KIZ: variants seen among roughly 807,000 people sequenced by gnomAD.
KIZ encodes the protein centrosomal protein kizuna.
KIZ carries 68 observed loss-of-function variants against 79.6 expected under a neutral mutation model. The ratio of observed to expected loss-of-function variants is 0.85; its 90% CI spans 0.70 to 1.05. KIZ has a LOEUF of 1.05. Ranked by LOEUF, KIZ falls within the 50% of genes least tolerant of loss-of-function variation. The probability of loss-of-function intolerance (pLI) is 0.00; values close to 1 mark genes in which losing one functional copy is unlikely to be tolerated. For missense variants in KIZ, 797 were observed against 800.4 expected (o/e 1.00, Z 0.05); for synonymous variants, 280 against 281.8 (o/e 0.99, Z 0.06).
At chr20:21,188,676 T>TTTTATTTATTTA (rs149324316) in intron 6 of KIZ, among the ~76,000 whole-genome samples, 25,479 of 141,744 alleles carry the variant, frequency 0.18, 2,526 homozygotes, top group East Asian at 0.26. Context: ...TTGCATTTTA[T>TTTTATTTATTTA]TTTATTTATT....
chr20:21,229,071 A>C lies in KIZ; in HGVS notation c.1739A>C (p.Glu580Ala). 6 of 1,612,628 alleles carry C rather than the reference A, an allele frequency of 3.7e-6. No homozygotes were observed. The highest frequency in any genetic ancestry group is 5.1e-6 in the Non-Finnish European group (6 of 1,179,046). The part of the protein sequence containing the change: ...ATLQDNTNQT[E>A]NRFQKTDASV... ...CTTCAGGATAATACAAATCAAACTG[A>C]AAACAGGTTTCAAAAGACAGATGCT... is the stretch of plus-strand genomic sequence containing the variant. Residue 580 changes from glutamate to alanine, a missense_variant, in exon 10 of 13, where the codon GAA becomes GCA. Transcript: ENST00000619189.
intron 9 of KIZ, among the ~76,000 whole-genome samples, chr20:21,216,512 G>A (rs1479012143): frequency 6.6e-6 from 1 of 152,148 alleles, no homozygotes; most frequent in African/African-American, 2.4e-5. Flanking sequence ...TTTTGAAAAA[G>A]CAGTTTATGG....
chr20:21,234,501 T>A (rs1170904575), intron 11 of KIZ, among the ~76,000 whole-genome samples: 17 of 152,036 alleles, frequency 1.1e-4, no homozygotes, highest in Admixed American at 1.1e-3. Flanking sequence ...CTTGGTGTTG[T>A]TCATATGCCA....
rs1458653662 is a variant in KIZ, at chr20:21,242,628, T to C, written c.1881-1617T>C. ...ATGTGAAGGAAAGAGGAGTGGAGAC[T>C]GGAGAGGGGCTTGGGGAGACTAGTG... On this transcript the variant is annotated intron_variant, in intron 11 of 12. Coordinates refer to ENST00000619189, the MANE Select transcript of KIZ (RefSeq NM_018474.6). 2.0e-5 allele frequency among the ~76,000 whole-genome samples: 3 copies of C among 149,178 alleles called. No individual in the cohort carries two copies. In the East Asian group the frequency reaches 6.0e-4, roughly 30 times the overall value.
chr20:21,185,714 CTT>C (rs34999241), intron 6 of KIZ, among the ~76,000 whole-genome samples: 14 of 138,326 alleles, frequency 1.0e-4, no homozygotes, highest in African/African-American at 1.1e-4. Context: ...CCCAACCCTA[CTT>C]TTTTTTTTTT....
At chr20:21,206,937 T>G (rs1379095882) in intron 7 of KIZ, among the ~76,000 whole-genome samples, 1 of 152,204 alleles carries the variant, frequency 6.6e-6, no homozygotes, top group East Asian at 1.9e-4. Context: ...CTTTAGAGCA[T>G]GTCCATTGGC....
Sources: gnomAD v4.1 joint callset for allele counts (sites outside exome capture counted in the v4.1 genomes callset) on GRCh38, gnomAD v4.1.1 for gene constraint, MANE v1.5 for transcripts, NCBI Gene and HGNC (gene_info 2026-07-23, HGNC 2026-07-21) for gene names.